Variants in DCHS2 observed in about 807,000 individuals in gnomAD.
The protein encoded by DCHS2 is protocadherin-23.
A neutral mutation model predicts 182.4 loss-of-function variants in DCHS2; 142 were observed. The ratio of observed to expected loss-of-function variants is 0.78; its 90% CI spans 0.68 to 0.89. The LOEUF (loss-of-function observed/expected upper bound fraction) is 0.89, where lower values mean the gene tolerates loss of function less well. DCHS2 is among the 40% of genes least tolerant of loss of function. DCHS2 has a pLI of 0.00. For missense variants in DCHS2, 4,319 were observed against 4,198.6 expected, an observed-to-expected ratio of 1.03 and a Z score of -0.79; for synonymous variants, 1,740 against 1,663.3, an observed-to-expected ratio of 1.05 and a Z score of -1.12.
At chr4:154,475,525 T>C (rs1735646807) in intron 1 of DCHS2, among the ~76,000 whole-genome samples, 1 of 152,204 alleles carries the variant, frequency 6.6e-6, no homozygotes, top group East Asian at 1.9e-4. Context: ...GATTAGGATG[T>C]ATTATTTATG....
intron 14 of DCHS2, among the ~76,000 whole-genome samples, chr4:154,266,307 C>CTTGAGAG (rs1733253605): frequency 8.8e-6 from 1 of 113,820 alleles, no homozygotes. Flanking sequence ...GTTGGGAGTA[C>CTTGAGAG]TTGAGAGTTG....
In DCHS2 at chr4:154,236,422, C is replaced by A; in HGVS notation, c.8230G>T (p.Asp2744Tyr). 1 of 1,614,080 alleles carries A rather than the reference C, an allele frequency of 6.2e-7. No homozygotes were observed. Among genetic ancestry groups the A allele is most frequent in the Non-Finnish European group, 8.5e-7 (1 of 1,179,970 alleles). The change falls in exon 20 of 20, where the codon GAT becomes TAT. Residue 2744 changes from aspartate to tyrosine, a missense_variant. Physicochemically the swap from Asp to Tyr is radical, Grantham distance 160. Transcript: ENST00000357232. The part of the protein sequence containing the change: ...TKFTLTVQAS[D>Y]AEKKHFSFAV... ...AAAGAAAAATGTTTCTTTTCTGCAT[C>A]TGAAGCTTGGACAGTTAAGGTGAAT...
chr4:154,450,580 C>T (rs930546838), intron 1 of DCHS2, among the ~76,000 whole-genome samples: 6 of 152,154 alleles, frequency 3.9e-5, no homozygotes, highest in African/African-American at 1.4e-4. Context: ...TGCCTGTAAT[C>T]CCAGCACTTT....
chr4:154,400,907 T>C (rs1233609298), intron 1 of DCHS2, among the ~76,000 whole-genome samples: 1 of 152,212 alleles, frequency 6.6e-6, no homozygotes, highest in Admixed American at 6.5e-5. Flanking sequence ...CAGCCAAGCC[T>C]TTTCTCATCA....
intron 5 of DCHS2, 56 bp from the exon 6 acceptor site, chr4:154,329,766 C>A (rs1183248245): frequency 2.0e-6 from 3 of 1,464,152 alleles, no homozygotes; most frequent in South Asian, 2.7e-5. Flanking sequence ...CGCACCAGGG[C>A]CAGAACCATT....
At chr4:154,477,280 C>A (rs914369742) in intron 1 of DCHS2, among the ~76,000 whole-genome samples, 8 of 152,100 alleles carry the variant, frequency 5.3e-5, no homozygotes, top group African/African-American at 1.9e-4. Flanking sequence ...ACACTAATTC[C>A]ATCATGCAGA....
chr4:154,430,877 T>C (rs1733532627), intron 1 of DCHS2, among the ~76,000 whole-genome samples: 1 of 152,180 alleles, frequency 6.6e-6, no homozygotes, highest in Non-Finnish European at 1.5e-5. Context: ...AAATCAAGTG[T>C]CCACACGTGC....
intron 1 of DCHS2, among the ~76,000 whole-genome samples, chr4:154,433,422 G>A (rs961169186): frequency 2.8e-5 from 3 of 107,308 alleles, no homozygotes; most frequent in Non-Finnish European, 5.7e-5. Context: ...TTGAGACAGA[G>A]TCTTGCTCTG....
intron 2 of DCHS2, among the ~76,000 whole-genome samples, chr4:154,373,194 T>C (rs1279968164): frequency 6.6e-6 from 1 of 152,252 alleles, no homozygotes; most frequent in Non-Finnish European, 1.5e-5. Flanking sequence ...TCTACGTTGC[T>C]TTCAGGGGAA....
At chr4:154,331,123 C>T (rs955469109) in intron 5 of DCHS2, among the ~76,000 whole-genome samples, 2 of 152,094 alleles carry the variant, frequency 1.3e-5, no homozygotes, top group Admixed American at 6.5e-5. Flanking sequence ...CCCTGCCTTG[C>T]CATGCTGTCC....
At chr4:154,443,512 G>T (rs1461345596) in intron 1 of DCHS2, among the ~76,000 whole-genome samples, 1 of 152,086 alleles carries the variant, frequency 6.6e-6, no homozygotes, top group Non-Finnish European at 1.5e-5. Context: ...GTAACCAGAA[G>T]AGAACTTCCA....
Position 154,489,782 on chromosome 4 carries a change from A to G in DCHS2, c.1574T>C (p.Leu525Pro). The G allele has an allele frequency of 7.7e-6, 12 of 1,551,562 alleles. No homozygotes were observed. Among genetic ancestry groups the G allele is most frequent in the Non-Finnish European group, 8.7e-6 (10 of 1,146,946 alleles). Residue 525 changes from leucine (L) to proline (P), a missense_variant, in exon 1 of 20, where the codon CTG becomes CCG. Physicochemically the swap from Leu to Pro is moderately conservative, Grantham distance 98 (BLOSUM62 -3). Coordinates refer to ENST00000357232, the MANE Select transcript of DCHS2 (RefSeq NM_001358235.2). ...GSPPLSTEET[L>P]LLRVADLNDQ... ...ATTGAGGTCAGCGACCCGGAGTAGCAGCGTCTCCTCCGTGCTCAGCGGCGG... is the reference window on the plus strand; with the variant it reads ...ATTGAGGTCAGCGACCCGGAGTAGCGGCGTCTCCTCCGTGCTCAGCGGCGG...
At chr4:154,384,493 C>T in intron 1 of DCHS2, 1 of 1,565,086 alleles carries the variant, frequency 6.4e-7, no homozygotes, top group South Asian at 1.2e-5. Context: ...TGAATGCTGG[C>T]CTCCAAAAAA....
At chr4:154,451,893 T>C (rs1289485710) in intron 1 of DCHS2, among the ~76,000 whole-genome samples, 1 of 152,212 alleles carries the variant, frequency 6.6e-6, no homozygotes, top group African/African-American at 2.4e-5. Context: ...CTTCTCTAAA[T>C]GGGCAAAAAT....
Position 154,491,003 on chromosome 4 carries a change from A to G in DCHS2, c.353T>C (p.Val118Ala). The G allele has an allele frequency of 6.4e-7, 1 of 1,550,486 alleles. No homozygotes were observed. Among genetic ancestry groups the G allele is most frequent in the East Asian group, 2.4e-5 (1 of 40,866 alleles). Residue 118 changes from valine (V) to alanine (A), a missense_variant, in exon 1 of 20, where the codon GTG becomes GCG. Coordinates refer to ENST00000357232, the MANE Select transcript of DCHS2 (RefSeq NM_001358235.2). ...GCGGATGATGCCGGTGTCCGGGTGC[A>G]CGTGGAAGTCGTCCAGCAGCGGGGA... ...DDSPLLDDFH[V>A]HPDTGIIRTA...
intron 13 of DCHS2, among the ~76,000 whole-genome samples, chr4:154,278,739 G>T (rs1733985761): frequency 6.6e-6 from 1 of 151,932 alleles, no homozygotes; most frequent in Non-Finnish European, 1.5e-5. Flanking sequence ...GTACTCAAAG[G>T]GCTGAAAGTA....
intron 14 of DCHS2, among the ~76,000 whole-genome samples, chr4:154,264,204 A>G (rs1294729845): frequency 6.6e-6 from 1 of 152,218 alleles, no homozygotes; most frequent in Non-Finnish European, 1.5e-5. Context: ...AAGGATAATG[A>G]GTAGCTCATA....
chr4:154,352,561 CACAG>C (rs1729670215), intron 3 of DCHS2: 1 of 152,136 alleles, frequency 6.6e-6, no homozygotes, highest in Admixed American at 6.6e-5. Context: ...ATAAAACAAA[CACAG>C]ACAGATAATT....
At chr4:154,343,227 A>G (rs949916387) in intron 3 of DCHS2, among the ~76,000 whole-genome samples, 1 of 152,212 alleles carries the variant, frequency 6.6e-6, no homozygotes, top group Non-Finnish European at 1.5e-5. Context: ...TTTATAAAGC[A>G]CAGTCAGAGT....
Sources: gnomAD v4.1 joint callset for allele counts (sites outside exome capture counted in the v4.1 genomes callset) on GRCh38, gnomAD v4.1.1 for gene constraint, MANE v1.5 for transcripts, NCBI Gene and HGNC (gene_info 2026-07-23, HGNC 2026-07-21) for gene names.